The following UNC13C variants were observed in gnomAD, a reference collection of about 807,000 sequenced individuals.
UNC13C encodes protein unc-13 homolog C.
Under a neutral mutation model 245.4 loss-of-function variants are expected in UNC13C, and 174 were observed. The observed-to-expected ratio is 0.71, with a 90% CI of 0.63 to 0.80. The LOEUF is 0.80. Among genes scored for constraint, UNC13C ranks in the 30% least tolerant of loss-of-function variants. The pLI is 0.00. For missense variants in UNC13C, 2,829 were observed against 2,602.9 expected (o/e 1.09, Z -1.89); for synonymous variants, 992 against 895.1 (o/e 1.11, Z -1.93).
chr15:54,561,561 A>T (rs1308909624), intron 29 of UNC13C, among the ~76,000 whole-genome samples: 2 of 151,990 alleles, frequency 1.3e-5, no homozygotes, highest in African/African-American at 4.8e-5. Context: ...GCTTGGAGGC[A>T]GTGAGTAGAC....
chr15:54,317,705 G>A (rs556080786), intron 13 of UNC13C, among the ~76,000 whole-genome samples: 6 of 151,964 alleles, frequency 3.9e-5, no homozygotes, highest in Admixed American at 1.3e-4. Flanking sequence ...GCTGATTAAC[G>A]TATACATCAT....
chr15:54,411,785 A>G (rs2040421388), intron 18 of UNC13C, among the ~76,000 whole-genome samples: 1 of 152,118 alleles, frequency 6.6e-6, no homozygotes. Flanking sequence ...TAGTGCTTTT[A>G]CTTTGCTATG....
intron 17 of UNC13C, among the ~76,000 whole-genome samples, chr15:54,350,124 T>G (rs2038948962): frequency 6.6e-6 from 1 of 152,040 alleles, no homozygotes; most frequent in Non-Finnish European, 1.5e-5. Context: ...CCCAAGTAAC[T>G]GGGACTACAG....
chr15:54,092,680 T>C (rs770859598), intron 2 of UNC13C, among the ~76,000 whole-genome samples: 8 of 152,118 alleles, frequency 5.3e-5, no homozygotes, highest in South Asian at 2.1e-4. Context: ...TAGAAGTCCA[T>C]TGGGGAAGGT....
chr15:54,442,705 T>C (rs1371656995), intron 19 of UNC13C, among the ~76,000 whole-genome samples: 3 of 152,178 alleles, frequency 2.0e-5, no homozygotes, highest in South Asian at 2.1e-4. Context: ...CTTTCATTCT[T>C]TGATGTGATG....
Position 54,373,690 on chromosome 15 carries a change from C to T in UNC13C, c.4714-19358C>T, listed in dbSNP as rs559484098. Among the ~76,000 whole-genome samples, 6 of 152,256 alleles carry T rather than the reference C, an allele frequency of 3.9e-5. No homozygotes were observed. The South Asian group carries it at 1.2e-3, about 32-fold the overall frequency. On this transcript the variant is annotated intron_variant, in intron 17 of 32. Transcript: ENST00000260323. ...TTGGGAGCTTCTAGTCTGGGTTCCCCGAAGGGCTGCAGCTCTTCTCTTTTC... is the reference window on the plus strand; with the variant it reads ...TTGGGAGCTTCTAGTCTGGGTTCCCTGAAGGGCTGCAGCTCTTCTCTTTTC...
At chr15:54,161,780 G>C (rs1199122859) in intron 4 of UNC13C, among the ~76,000 whole-genome samples, 1 of 151,966 alleles carries the variant, frequency 6.6e-6, no homozygotes, top group Non-Finnish European at 1.5e-5. Flanking sequence ...GAGAAACCCT[G>C]TCTCTCATAA....
intron 2 of UNC13C, among the ~76,000 whole-genome samples, chr15:54,046,582 C>T (rs1168148539): frequency 6.6e-6 from 1 of 151,938 alleles, no homozygotes; most frequent in African/African-American, 2.4e-5. Context: ...TTTTTTCCTT[C>T]AAACTTTAAA....
chr15:54,157,430 T>C (rs2032795325), intron 4 of UNC13C, among the ~76,000 whole-genome samples: 1 of 152,194 alleles, frequency 6.6e-6, no homozygotes, highest in South Asian at 2.1e-4. Context: ...TCTTTTCAAA[T>C]CTAGCACACA....
At chr15:53,852,684 A>G in the UNC13C span, among the ~76,000 whole-genome samples, 4 of 152,270 alleles carry the variant, frequency 2.6e-5, no homozygotes, top group African/African-American at 9.6e-5. Context: ...ACAATTACAA[A>G]GTTTACCATA....
At chr15:54,303,844 G>A (rs1027686777) in intron 13 of UNC13C, among the ~76,000 whole-genome samples, 1 of 151,968 alleles carries the variant, frequency 6.6e-6, no homozygotes, top group Non-Finnish European at 1.5e-5. Context: ...CAAGGAGGGG[G>A]CTTCCAGGGC....
At chr15:54,391,893 T>C (rs555848355) in intron 17 of UNC13C, among the ~76,000 whole-genome samples, 15 of 152,214 alleles carry the variant, frequency 9.9e-5, no homozygotes, top group African/African-American at 3.6e-4. Flanking sequence ...CATATCATGA[T>C]TTGCACTGGA....
chr15:54,313,807 T>G (rs1482238056), intron 13 of UNC13C, among the ~76,000 whole-genome samples: 1 of 151,724 alleles, frequency 6.6e-6, no homozygotes, highest in Admixed American at 6.6e-5. Flanking sequence ...AAAATCATTA[T>G]GTCAAAGATA....
chr15:53,892,020 A>G, the UNC13C span, among the ~76,000 whole-genome samples: 2 of 152,082 alleles, frequency 1.3e-5, no homozygotes, highest in African/African-American at 4.8e-5. Context: ...TTCCAAGTTT[A>G]GTGTTTCCTT....
intron 7 of UNC13C, among the ~76,000 whole-genome samples, chr15:54,239,258 C>T (rs975429051): frequency 6.6e-6 from 1 of 152,154 alleles, no homozygotes; most frequent in African/African-American, 2.4e-5. Context: ...TGTCATCTTT[C>T]ATCCAAATGT....
intron 19 of UNC13C, among the ~76,000 whole-genome samples, chr15:54,480,703 C>T (rs971470646): frequency 1.1e-4 from 17 of 152,008 alleles, no homozygotes; most frequent in Non-Finnish European, 1.5e-5. Context: ...TTAAGTATTT[C>T]ATATATTTCC....
chr15:54,044,842 G>A lies in UNC13C; in HGVS notation c.2983+28956G>A, dbSNP rs145469065. ...CTCTAATTACTAAGGGTGTTTTTCC[G>A]TGTGCTTATTGGCCATTTGTATATC... On this transcript the variant is annotated intron_variant, in intron 2 of 32. Coordinates refer to ENST00000260323, the MANE Select transcript of UNC13C (RefSeq NM_001080534.3). 1.1e-3 allele frequency among the ~76,000 whole-genome samples: 166 copies of A among 152,092 alleles called. 2 individuals are homozygous for A. The highest frequency in any genetic ancestry group is 3.3e-3 in the East Asian group (17 of 5,170).
chr15:54,369,958 G>C (rs1011283855), intron 17 of UNC13C, among the ~76,000 whole-genome samples: 2 of 152,042 alleles, frequency 1.3e-5, no homozygotes, highest in Non-Finnish European at 2.9e-5. Flanking sequence ...TACTCTCCTT[G>C]TGTTTTTAAG....
At chr15:54,272,056 C>T (rs1331627669) in intron 10 of UNC13C, among the ~76,000 whole-genome samples, 1 of 152,198 alleles carries the variant, frequency 6.6e-6, no homozygotes, top group Admixed American at 6.5e-5. Context: ...TATTCTGGGT[C>T]TAACATGTTT....
Sources: allele counts gnomAD v4.1 joint callset (sites outside exome capture counted in the v4.1 genomes callset), GRCh38; gene constraint gnomAD v4.1.1; transcripts MANE v1.5; gene names NCBI Gene and HGNC (gene_info 2026-07-23, HGNC 2026-07-21).